The following RRN3 variants were observed in gnomAD, a reference collection of about 807,000 sequenced individuals.
RRN3 encodes RNA polymerase I-specific transcription initiation factor RRN3.
A neutral mutation model predicts 82.3 loss-of-function variants in RRN3; 38 were observed. The observed-to-expected ratio is 0.46, with a 90% CI of 0.36 to 0.61. RRN3 has a LOEUF of 0.61. Ranked by LOEUF, RRN3 falls within the 20% of genes least tolerant of loss-of-function variation. The probability of loss-of-function intolerance (pLI) is 0.00; values close to 1 mark genes in which losing one functional copy is unlikely to be tolerated. For synonymous variants in RRN3, 284 were observed against 284.3 expected (o/e 1.00, Z 0.01); for missense variants, 726 against 793.1 (o/e 0.92, Z 1.02).
chr16:15,063,718 A>AG (rs1217960626), intron 16 of RRN3, among the ~76,000 whole-genome samples: 3 of 151,110 alleles, frequency 2.0e-5, no homozygotes, highest in East Asian at 1.9e-4. Context: ...AAAAAAAAAA[A>AG]AAAAGAAAAA....
At position 15,077,606 on chromosome 16, in the gene RRN3, C is replaced by G. The variant is rs975933034; in HGVS notation, c.766-956G>C. On this transcript the variant is annotated intron_variant, in intron 9 of 17. Coordinates refer to ENST00000198767, the MANE Select transcript of RRN3 (RefSeq NM_018427.5). ...CCTGTAATCCGAGCTCTTTGGGAGG[C>G]CGAGGTGGACGGATCATGAGGTCAG... Among the ~76,000 whole-genome samples the G allele has an allele frequency of 5.9e-5, 9 of 152,152 alleles. No homozygotes were observed. In the South Asian group the frequency reaches 1.0e-3, roughly 18 times the overall value.
At chr16:15,079,930 C>T (rs1388241627) in intron 9 of RRN3, 68 bp downstream of exon 9, 12 of 1,450,240 alleles carry the variant, frequency 8.3e-6, no homozygotes, top group South Asian at 2.6e-5. Flanking sequence ...ACTATTGTTT[C>T]CACATACTGT....
chr16:15,069,961 G>C (rs770361301), intron 14 of RRN3, 109 bp downstream of exon 14: 3 of 1,455,748 alleles, frequency 2.1e-6, no homozygotes, highest in Non-Finnish European at 2.8e-6. Flanking sequence ...TGCACATGCA[G>C]TTTTCTGAAT....
chr16:15,072,632 A>G (rs923210931), intron 12 of RRN3, among the ~76,000 whole-genome samples: 1 of 151,952 alleles, frequency 6.6e-6, no homozygotes, highest in African/African-American at 2.4e-5. Context: ...GCGAAACCCC[A>G]CCTCTTCTAA....
chr16:15,061,569 C>CA lies in RRN3; in HGVS notation c.*174dup, dbSNP rs1388614020. 1.2e-5 allele frequency: 6 copies of CA among 504,860 alleles called. 1 individual carries two copies. Among genetic ancestry groups the CA allele is most frequent in the South Asian group, 4.0e-5 (1 of 25,094 alleles). 31.3% of individuals were successfully genotyped at this position (504,860 alleles called of 1,614,324 possible). A position where few individuals can be genotyped will look rare whatever the true frequency, so the allele number is the denominator to read the frequency against. ...TTGTCTGTAAGGGGAACAACAACAA[C>CA]AAAAAAACCCAGTCTTCAGATGCTT... On this transcript the variant is annotated 3_prime_UTR_variant, in exon 18 of 18. Coordinates refer to ENST00000198767, the MANE Select transcript of RRN3 (RefSeq NM_018427.5).
At chr16:15,085,032 C>T (rs974253573) in intron 6 of RRN3, among the ~76,000 whole-genome samples, 3 of 152,160 alleles carry the variant, frequency 2.0e-5, no homozygotes, top group Non-Finnish European at 2.9e-5. Context: ...CACCACTATA[C>T]TCCAGCCTGG....
rs758247384 is a variant in RRN3, at chr16:15,074,845, G to GTTTCTTCATCTT, written c.863_874dup (p.Glu291_Thr292insLysAspGluGlu). 6.2e-7 allele frequency: 1 copy of GTTTCTTCATCTT among 1,610,316 alleles called. No homozygotes were observed. The highest frequency in any genetic ancestry group is 1.1e-5 in the South Asian group (1 of 90,218). ...AGGACCAGCCTTTGTTTCATGTTCA[G>GTTTCTTCATCTT]TTTCTTCATCTTCATCCTTTGAAGA... On this transcript the variant is annotated inframe_insertion, in exon 11 of 18. Transcript: ENST00000198767.
rs2045301306 is a variant in RRN3, at chr16:15,073,019, T to C, written c.1059A>G (p.Lys353=). 6.2e-7 allele frequency: 1 copy of C among 1,612,946 alleles called. No individual in the cohort carries two copies. The change falls in exon 12 of 18, where the codon AAA becomes AAG. Residue 353 remains lysine (K), a synonymous_variant. Transcript: ENST00000198767. The stretch of plus-strand genomic sequence containing the variant: ...AGGAGGCATGGGTGGGCAACAGGAG[T>C]TTGTCAAAGATGTTTATCAGGTCGC... ...LYRDLINIFD[K]LLLPTHASCH...
intron 11 of RRN3, 142 bp from the exon 12 acceptor site, chr16:15,073,222 T>C: frequency 1.1e-6 from 1 of 923,124 alleles, no homozygotes; most frequent in Admixed American, 2.7e-5. Context: ...TCCCAGCACT[T>C]TGGGAGGCCA....
At chr16:15,089,786 C>CAAAAAAAAAAAAAAAAAAAAAA (rs142235345) in intron 3 of RRN3, among the ~76,000 whole-genome samples, 1 of 66,574 alleles carries the variant, frequency 1.5e-5, no homozygotes, top group Non-Finnish European at 2.5e-5. Flanking sequence ...GGCGACAGAG[C>CAAAAAAAAAAAAAAAAAAAAAA]AAAAAAAAAA....
chr16:15,089,786 CAAAAAAAAAAA>C (rs142235345), intron 3 of RRN3, among the ~76,000 whole-genome samples: 1 of 66,580 alleles, frequency 1.5e-5, no homozygotes, highest in East Asian at 5.2e-4. Context: ...GGCGACAGAG[CAAAAAAAAAAA>C]AAAAAAAAAA....
At chr16:15,087,796 A>G (rs907132548) in intron 3 of RRN3, among the ~76,000 whole-genome samples, 2 of 152,224 alleles carry the variant, frequency 1.3e-5, no homozygotes, top group African/African-American at 2.4e-5. Context: ...AACTATAAGG[A>G]TAACATTTAA....
At chr16:15,072,242 C>A (rs1253917694) in intron 12 of RRN3, among the ~76,000 whole-genome samples, 3 of 82,846 alleles carry the variant, frequency 3.6e-5, no homozygotes, top group African/African-American at 6.5e-5. Flanking sequence ...TTCTTTCCCC[C>A]ACCAAAAAAA....
intron 7 of RRN3, among the ~76,000 whole-genome samples, chr16:15,084,246 G>T (rs1382032714): frequency 6.6e-6 from 1 of 152,068 alleles, no homozygotes; most frequent in East Asian, 1.9e-4. Context: ...AACGGACAGA[G>T]GGAACTAGAG....
intron 9 of RRN3, among the ~76,000 whole-genome samples, chr16:15,077,979 G>C (rs1233486472): frequency 1.3e-5 from 2 of 152,180 alleles, no homozygotes; most frequent in African/African-American, 4.8e-5. Flanking sequence ...TCAATCAACT[G>C]AGCAGAAAAA....
chr16:15,063,317 A>T (rs901063718), intron 16 of RRN3, 34 bp from the exon 17 acceptor site: 5 of 1,506,114 alleles, frequency 3.3e-6, no homozygotes, highest in Non-Finnish European at 4.6e-6. Context: ...AAGTCAAGTT[A>T]AATACTTCGG....
chr16:15,060,622 G>A lies in RRN3; in HGVS notation c.*1122C>T, dbSNP rs2044676586. On this transcript the variant is annotated 3_prime_UTR_variant, in exon 18 of 18. Coordinates refer to ENST00000198767, the MANE Select transcript of RRN3 (RefSeq NM_018427.5). ...ATGCTTGAGCTTCAAAATGACTCTA[G>A]CAGTGTTTGCACAAATTTGTTTTAA... 1 of 152,726 alleles carries A rather than the reference G, an allele frequency of 6.5e-6. No individual in the cohort carries two copies. Among genetic ancestry groups the A allele is most frequent in the Non-Finnish European group, 1.5e-5 (1 of 68,414 alleles). 9.5% of individuals were successfully genotyped at this position (152,726 alleles called of 1,614,324 possible). A position where few individuals can be genotyped will look rare whatever the true frequency, so the allele number is the denominator to read the frequency against.
chr16:15,066,511 T>C (rs1299029097), intron 15 of RRN3, among the ~76,000 whole-genome samples: 2 of 151,840 alleles, frequency 1.3e-5, no homozygotes, highest in Non-Finnish European at 2.9e-5. Flanking sequence ...CAGGCGCCTG[T>C]AGTCCCAGCT....
chr16:15,080,557 CCTAGTAG>C (rs1384575446), intron 8 of RRN3, among the ~76,000 whole-genome samples: 1 of 152,126 alleles, frequency 6.6e-6, no homozygotes, highest in Non-Finnish European at 1.5e-5. Context: ...CCTCAGCCTC[CCTAGTAG>C]CTAGAACTAC....
Sources: allele counts gnomAD v4.1 joint callset (sites outside exome capture counted in the v4.1 genomes callset), GRCh38; gene constraint gnomAD v4.1.1; transcripts MANE v1.5; gene names NCBI Gene and HGNC (gene_info 2026-07-23, HGNC 2026-07-21).